The following ATP1A4 variants were observed in gnomAD, a reference collection of about 807,000 sequenced individuals.
ATP1A4 encodes the protein sodium/potassium-transporting ATPase subunit alpha-4.
ATP1A4 carries 90 observed loss-of-function variants against 114.3 expected under a neutral mutation model. The ratio of observed to expected loss-of-function variants is 0.79; its 90% CI spans 0.66 to 0.94. The LOEUF is 0.94. ATP1A4 is among the 40% of genes least tolerant of loss of function. The pLI, the probability that ATP1A4 is intolerant of heterozygous loss-of-function variation, is 0.00. For missense variants in ATP1A4, 1,222 were observed against 1,313.6 expected (o/e 0.93, Z 1.08); for synonymous variants, 511 against 494.1 (o/e 1.03, Z -0.45).
chr1:160,164,112 A>G (rs375213183), intron 6 of ATP1A4, 44 bp from the exon 7 acceptor site: 9 of 1,599,930 alleles, frequency 5.6e-6, no homozygotes, highest in Middle Eastern at 3.3e-4. Context: ...TATACTTCTT[A>G]TCATATCACA....
intron 10 of ATP1A4, 38 bp downstream of exon 10, chr1:160,167,450 G>A (rs1371361439): frequency 4.4e-6 from 7 of 1,606,124 alleles, no homozygotes; most frequent in Non-Finnish European, 5.9e-6. Flanking sequence ...GGTGGTGGGG[G>A]GATGGGCTTA....
chr1:160,183,953 CTTT>C (rs35692428), intron 20 of ATP1A4, among the ~76,000 whole-genome samples: 11 of 129,142 alleles, frequency 8.5e-5, no homozygotes, highest in African/African-American at 2.3e-4. Flanking sequence ...ATTGATAATG[CTTT>C]TTTTTTTTTT....
Position 160,171,346 on chromosome 1 carries a change from T to G in ATP1A4, c.1587T>G (p.Leu529=). The change falls in exon 11 of 22, where the codon CTT becomes CTG. Residue 529 remains leucine, a synonymous_variant. Transcript: ENST00000368081. ...TCTTGGAGTTTTGTTCTACCTTTCT[T>G]CTGAATGGGCAGGAGTACTCAATGA... The part of the protein sequence containing the change: ...ERILEFCSTF[L]LNGQEYSMND... 6.2e-7 allele frequency: 1 copy of G among 1,614,096 alleles called. No individual in the cohort carries two copies. Among genetic ancestry groups the G allele is most frequent in the Non-Finnish European group, 8.5e-7 (1 of 1,180,012 alleles).
At chr1:160,157,822 T>A (rs536183970) in intron 4 of ATP1A4, among the ~76,000 whole-genome samples, 1 of 152,350 alleles carries the variant, frequency 6.6e-6, no homozygotes, top group South Asian at 2.1e-4. Context: ...GCTATTTTTA[T>A]TCTTGCAACT....
In ATP1A4 at chr1:160,170,983, A is replaced by G. The variant is rs1653231826; in HGVS notation, c.1492-268A>G. The G allele has an allele frequency of 1.5e-5, 5 of 341,616 alleles. No individual in the cohort carries two copies. In the East Asian group the frequency reaches 2.4e-4, roughly 16 times the overall value. The allele number at this position is 341,616 out of a possible 1,614,324, so 21.2% of individuals were successfully genotyped here. A position where few individuals can be genotyped will look rare whatever the true frequency, so the allele number is the denominator to read the frequency against. On this transcript the variant is annotated intron_variant, in intron 10 of 21. Coordinates refer to ENST00000368081, the MANE Select transcript of ATP1A4 (RefSeq NM_144699.4). Reference sequence around the variant, plus strand: ...TCCAGTTGGCAAGGATGCAGGGGAAAAGTGAGAGTGCCTGGTTCTGCCCCC... The same window carrying G: ...TCCAGTTGGCAAGGATGCAGGGGAAGAGTGAGAGTGCCTGGTTCTGCCCCC...
In ATP1A4 at chr1:160,176,147, C is replaced by T. The variant is rs1001345618; in HGVS notation, c.2367C>T (p.Asn789=). The change falls in exon 16 of 22, where the codon AAC becomes AAT. Residue 789 remains asparagine (N), a synonymous_variant. Coordinates refer to ENST00000368081, the MANE Select transcript of ATP1A4 (RefSeq NM_144699.4). ...KKSIMYTLTS[N]IPEITPFLMF... The stretch of plus-strand genomic sequence containing the variant: ...CCATCATGTACACCCTGACCAGCAA[C>T]ATCCCCGAGATCACGCCCTTCCTGA... 1 of 1,614,052 alleles carries T rather than the reference C, an allele frequency of 6.2e-7. No homozygotes were observed. Among genetic ancestry groups the T allele is most frequent in the African/African-American group, 1.3e-5 (1 of 74,902 alleles).
chr1:160,179,790 G>A (rs1398931078), intron 18 of ATP1A4, among the ~76,000 whole-genome samples: 1 of 152,140 alleles, frequency 6.6e-6, no homozygotes, highest in Admixed American at 6.5e-5. Context: ...TCTAGTTAGG[G>A]ATGGGAAGAC....
chr1:160,185,918 CAA>C lies in ATP1A4; in HGVS notation c.2970-342_2970-341del, dbSNP rs564826958. Among the ~76,000 whole-genome samples the C allele has an allele frequency of 7.8e-3, 749 of 96,098 alleles. 12 individuals carry two copies. Among genetic ancestry groups the C allele is most frequent in the African/African-American group, 0.026 (665 of 25,990 alleles). 63.0% of individuals were successfully genotyped at this position (96,098 alleles called of 152,430 possible). ...TGGGTGACAGAGTGAGACTCCGTCTCAAAAAAAAAAAAAAAAATTGCAAAAAA... is the reference window on the plus strand; with the variant it reads ...TGGGTGACAGAGTGAGACTCCGTCTCAAAAAAAAAAAAAAATTGCAAAAAA... On this transcript the variant is annotated intron_variant, in intron 20 of 21. Transcript: ENST00000368081.
rs765123115 is a variant in ATP1A4, at chr1:160,154,321, C to T, written c.208-724C>T. On this transcript the variant is annotated intron_variant, in intron 2 of 21. Coordinates refer to ENST00000368081, the MANE Select transcript of ATP1A4 (RefSeq NM_144699.4). ...CTGGGAGATGGAGGTTGCAGTAAGC[C>T]GAGATCATGCCACTGCACTCCAGCC... 1.8e-4 allele frequency among the ~76,000 whole-genome samples: 27 copies of T among 151,620 alleles called. 1 individual carries two copies. The highest frequency in any genetic ancestry group is 3.4e-4 in the Non-Finnish European group (23 of 67,896).
intron 1 of ATP1A4, 29 bp from the exon 2 acceptor site, chr1:160,153,136 G>C: frequency 1.2e-6 from 2 of 1,605,854 alleles, no homozygotes; most frequent in Non-Finnish European, 8.5e-7. Context: ...GCCACCCCCT[G>C]TCCCTCAATG....
chr1:160,164,829 C>T (rs775236153), intron 7 of ATP1A4, among the ~76,000 whole-genome samples: 14 of 152,180 alleles, frequency 9.2e-5, no homozygotes, highest in Non-Finnish European at 1.5e-4. Flanking sequence ...GCTGAATATC[C>T]TCTATAAAAC....
chr1:160,186,360 C>T lies in ATP1A4; in HGVS notation c.3054C>T (p.His1018=). 1.2e-6 allele frequency: 2 copies of T among 1,611,804 alleles called. No homozygotes were observed. The highest frequency in any genetic ancestry group is 1.7e-5 in the Admixed American group (1 of 59,984). Residue 1018 remains histidine (H), a synonymous_variant, in exon 21 of 22, where the codon CAC becomes CAT. Coordinates refer to ENST00000368081, the MANE Select transcript of ATP1A4 (RefSeq NM_144699.4). ...DEIRKLLIRQ[H]PDGWVERETY... ...TCAGAAAACTCCTCATCCGTCAGCA[C>T]CCGGATGGTGAGGCTCCCCTGGGCC...
At chr1:160,178,270 A>G (rs976269204) in intron 18 of ATP1A4, among the ~76,000 whole-genome samples, 1 of 152,154 alleles carries the variant, frequency 6.6e-6, no homozygotes, top group Non-Finnish European at 1.5e-5. Flanking sequence ...CAGGAGAATC[A>G]CTTGAACCCG....
chr1:160,176,026 C>T (rs749231170), intron 15 of ATP1A4, 66 bp from the exon 16 acceptor site: 31 of 1,556,968 alleles, frequency 2.0e-5, no homozygotes, highest in Non-Finnish European at 2.5e-5. Flanking sequence ...CTGTCTGTCC[C>T]GGAGCTGGTT....
In ATP1A4 at chr1:160,159,673, A is replaced by G. The variant is rs866150840; in HGVS notation, c.778+147A>G. The G allele has an allele frequency of 4.2e-5, 27 of 643,488 alleles. No individual in the cohort carries two copies. In the Middle Eastern group the frequency reaches 1.6e-3, roughly 39 times the overall value. 39.9% of individuals were successfully genotyped at this position (643,488 alleles called of 1,614,324 possible). A position where few individuals can be genotyped will look rare whatever the true frequency, so the allele number is the denominator to read the frequency against. On this transcript the variant is annotated intron_variant, in intron 6 of 21. Transcript: ENST00000368081. Reference sequence around the variant, plus strand: ...TCACGAGCTGTATGACCTCTGGTGAAAGGTCAAGGTCATCATTTCCACATT... The same window carrying G: ...TCACGAGCTGTATGACCTCTGGTGAGAGGTCAAGGTCATCATTTCCACATT...
intron 12 of ATP1A4, 74 bp from the exon 13 acceptor site, chr1:160,173,507 T>G (rs1299559609): frequency 6.3e-7 from 1 of 1,575,774 alleles, no homozygotes; most frequent in African/African-American, 1.4e-5. Context: ...GTCTGTCAGT[T>G]CTCAGAGGAG....
chr1:160,177,274 A>G, intron 17 of ATP1A4: 1 of 473,608 alleles, frequency 2.1e-6, no homozygotes, highest in Admixed American at 3.6e-5. Flanking sequence ...TAGTTTTAAG[A>G]CCATGTGATT....
In ATP1A4 at chr1:160,164,362, A is replaced by G. The variant is rs929407709; in HGVS notation, c.985A>G (p.Ile329Val). Residue 329 changes from isoleucine (I) to valine (V), a missense_variant, in exon 7 of 22, where the codon ATC becomes GTC. Coordinates refer to ENST00000368081, the MANE Select transcript of ATP1A4 (RefSeq NM_144699.4). Reference protein sequence around the residue: ...LLLGYGWLEAIIFLIGIIVAN... With the variant: ...LLLGYGWLEAVIFLIGIIVAN... ...CTTGGGCTATGGTTGGCTGGAGGCTATCATTTTTCTCATTGGCATCATTGT... is the reference window on the plus strand; with the variant it reads ...CTTGGGCTATGGTTGGCTGGAGGCTGTCATTTTTCTCATTGGCATCATTGT... The G allele has an allele frequency of 5.6e-6, 9 of 1,613,986 alleles. No homozygotes were observed. Among genetic ancestry groups the G allele is most frequent in the Middle Eastern group, 3.3e-4 (2 of 6,084 alleles).
chr1:160,181,549 TA>T, intron 18 of ATP1A4, 134 bp from the exon 19 acceptor site: 1 of 957,494 alleles, frequency 1.0e-6, no homozygotes, highest in Non-Finnish European at 1.5e-6. Flanking sequence ...GAGCGAGACT[TA>T]GTCTCAAAAA....
Sources: allele counts gnomAD v4.1 joint callset (sites outside exome capture counted in the v4.1 genomes callset), GRCh38; gene constraint gnomAD v4.1.1; transcripts MANE v1.5; gene names NCBI Gene and HGNC (gene_info 2026-07-23, HGNC 2026-07-21).